GRIA3: variants seen among roughly 807,000 people sequenced by gnomAD.
GRIA3 encodes glutamate receptor 3.
A neutral mutation model predicts 63.0 loss-of-function variants in GRIA3; 3 were observed. That is an observed-to-expected ratio of 0.05 (90% CI 0.02 to 0.12). The LOEUF is 0.12. Among genes scored for constraint, GRIA3 ranks in the 10% least tolerant of loss-of-function variants. The pLI is 1.00. For missense variants in GRIA3, 347 were observed against 700.9 expected (o/e 0.50, Z 5.70); for synonymous variants, 274 against 257.9 (o/e 1.06, Z -0.60).
At chrX:123,298,661 T>A (rs1054664277) in intron 3 of GRIA3, among the ~76,000 whole-genome samples, 3 of 110,512 alleles carry the variant, frequency 2.7e-5, no homozygotes, top group South Asian at 4.1e-4. Context: ...TTTGCAAAAA[T>A]TTTTTCCCAT....
At chrX:123,462,844 C>T (rs1002966126) in intron 12 of GRIA3, among the ~76,000 whole-genome samples, 2 of 111,956 alleles carry the variant, frequency 1.8e-5, no homozygotes, top group Non-Finnish European at 3.8e-5. Context: ...GCCATGCTAT[C>T]TCAACCTCTG....
At chrX:123,209,256 GATA>G (rs1375244658) in intron 2 of GRIA3, among the ~76,000 whole-genome samples, 3 of 111,801 alleles carry the variant, frequency 2.7e-5, no homozygotes, top group Non-Finnish European at 3.8e-5. Context: ...GTAACACAGG[GATA>G]ATAATATCTA....
At chrX:123,444,945 G>A (rs951954419) in intron 12 of GRIA3, among the ~76,000 whole-genome samples, 2 of 110,983 alleles carry the variant, frequency 1.8e-5, no homozygotes, top group African/African-American at 3.3e-5. Flanking sequence ...TACAGGCACC[G>A]GGGTGGCGAT....
At chrX:123,356,313 C>T (rs750058256) in intron 5 of GRIA3, among the ~76,000 whole-genome samples, 50 of 108,775 alleles carry the variant, frequency 4.6e-4, no homozygotes, top group African/African-American at 1.6e-3. Context: ...CTTCCTTCAT[C>T]TCTTTCCCCT....
chrX:123,403,560 A>C (rs1288030247), intron 9 of GRIA3, 41 bp downstream of exon 9: 1 of 805,082 alleles, frequency 1.2e-6, no homozygotes, highest in Non-Finnish European at 1.9e-6. Context: ...CTGTCCAGCA[A>C]GACTTCCGTT....
intron 10 of GRIA3, among the ~76,000 whole-genome samples, chrX:123,406,949 A>C (rs922397822): frequency 8.9e-6 from 1 of 111,734 alleles, no homozygotes; most frequent in Non-Finnish European, 1.9e-5. Context: ...TTAGGCTTCA[A>C]GAGGTCTTGT....
intron 3 of GRIA3, among the ~76,000 whole-genome samples, chrX:123,286,641 C>A (rs1195405162): frequency 1.8e-5 from 2 of 111,441 alleles, no homozygotes; most frequent in Non-Finnish European, 3.8e-5. Context: ...AACACCTCTA[C>A]GCAAATAAAC....
chrX:123,290,715 G>T (rs2087477109), intron 3 of GRIA3, among the ~76,000 whole-genome samples: 1 of 110,362 alleles, frequency 9.1e-6, no homozygotes, highest in African/African-American at 3.3e-5. Flanking sequence ...TTACATTTCT[G>T]CAGAGGATCT....
chrX:123,481,209 C>G (rs779767816), intron 14 of GRIA3, among the ~76,000 whole-genome samples: 1 of 111,978 alleles, frequency 8.9e-6, no homozygotes, highest in South Asian at 3.7e-4. Flanking sequence ...GGAAGGGTTA[C>G]CAGAAATTGG....
At chrX:123,204,522 G>A in intron 2 of GRIA3, 3 of 1,164,912 alleles carry the variant, frequency 2.6e-6, no homozygotes, top group Non-Finnish European at 3.4e-6. Context: ...CAGCCTGGGT[G>A]TGTGAAGCTG....
intron 12 of GRIA3, among the ~76,000 whole-genome samples, chrX:123,433,939 G>A (rs1357570945): frequency 1.8e-5 from 2 of 111,712 alleles, no homozygotes; most frequent in Non-Finnish European, 3.8e-5. Context: ...GAAAGGAGGG[G>A]TTCTGCCATG....
chrX:123,231,487 G>A (rs1386107483), intron 2 of GRIA3, among the ~76,000 whole-genome samples: 1 of 111,599 alleles, frequency 9.0e-6, no homozygotes, highest in Non-Finnish European at 1.9e-5. Context: ...GCTACGATTG[G>A]TCCCTATCCC....
At chrX:123,302,401 G>A (rs2044729102) in intron 3 of GRIA3, among the ~76,000 whole-genome samples, 1 of 111,551 alleles carries the variant, frequency 9.0e-6, no homozygotes, top group South Asian at 3.7e-4. Context: ...TTTTGAAAGT[G>A]TGTTTTATCC....
At chrX:123,430,711 G>A (rs995269365) in intron 12 of GRIA3, among the ~76,000 whole-genome samples, 7 of 111,046 alleles carry the variant, frequency 6.3e-5, no homozygotes, top group African/African-American at 2.3e-4. Flanking sequence ...CTGGCCAGGT[G>A]TAGTGGCTCA....
intron 10 of GRIA3, among the ~76,000 whole-genome samples, chrX:123,412,082 A>G (rs1420094647): frequency 8.9e-6 from 1 of 111,887 alleles, no homozygotes; most frequent in Non-Finnish European, 1.9e-5. Context: ...CCATTTGAGG[A>G]CTTACCTTTT....
chrX:123,224,176 T>C (rs774927369), intron 2 of GRIA3, among the ~76,000 whole-genome samples: 4 of 112,075 alleles, frequency 3.6e-5, no homozygotes, highest in Non-Finnish European at 5.6e-5. Flanking sequence ...TCTCCTCCTA[T>C]TTCTGTACTT....
At chrX:123,196,402 C>T (rs1458438408) in intron 2 of GRIA3, among the ~76,000 whole-genome samples, 1 of 112,029 alleles carries the variant, frequency 8.9e-6, no homozygotes, top group African/African-American at 3.2e-5. Context: ...AAGACTCAGA[C>T]AATATTCTAC....
At chrX:123,439,439 C>T (rs1015517726) in intron 12 of GRIA3, among the ~76,000 whole-genome samples, 1 of 111,906 alleles carries the variant, frequency 8.9e-6, no homozygotes, top group African/African-American at 3.3e-5. Context: ...CTAGAGAAAT[C>T]TGAATTCCAG....
intron 6 of GRIA3, among the ~76,000 whole-genome samples, chrX:123,396,801 T>C (rs2045416537): frequency 8.9e-6 from 1 of 112,400 alleles, no homozygotes; most frequent in South Asian, 3.7e-4. Flanking sequence ...TTCAAATGCA[T>C]ATTGCATTAC....
Sources: gnomAD v4.1 joint callset for allele counts (sites outside exome capture counted in the v4.1 genomes callset) on GRCh38, gnomAD v4.1.1 for gene constraint, MANE v1.5 for transcripts, NCBI Gene and HGNC (gene_info 2026-07-23, HGNC 2026-07-21) for gene names.